DMD: variants seen among roughly 807,000 people sequenced by gnomAD.
DMD encodes dystrophin, also known as mutant dystrophin.
Under a neutral mutation model 330.1 loss-of-function variants are expected in DMD, and 63 were observed. The observed-to-expected ratio is 0.19, with a 90% CI of 0.16 to 0.24. The LOEUF (loss-of-function observed/expected upper bound fraction) is 0.24, where lower values mean the gene tolerates loss of function less well. Among genes scored for constraint, DMD ranks in the 10% least tolerant of loss-of-function variants. DMD has a pLI of 1.00. For missense variants in DMD, 3,344 were observed against 2,684.1 expected (o/e 1.25, Z -5.43); for synonymous variants, 1,223 against 959.8 (o/e 1.27, Z -5.07).
chrX:32,610,737 C>G (rs1304140662), intron 12 of DMD, among the ~76,000 whole-genome samples: 1 of 110,987 alleles, frequency 9.0e-6, no homozygotes, highest in African/African-American at 3.3e-5. Flanking sequence ...TCTATCTACA[C>G]AAAGCTAAAA....
rs1214712208 is a variant in DMD at position 32,472,322 on chromosome X, G to A, written c.2804-13C>T. On this transcript the variant is annotated splice_polypyrimidine_tract_variant and intron_variant, in intron 21 of 78. Transcript: ENST00000357033. ...AAAGTGTCAAAAACTTTATCAAAAG[G>A]GAAAAAAGAATGAGAATCACTTAAT... is the stretch of plus-strand genomic sequence containing the variant. 2 of 1,206,396 alleles carry A rather than the reference G, an allele frequency of 1.7e-6. No individual in the cohort carries two copies. The highest frequency in any genetic ancestry group is 1.1e-6 in the Non-Finnish European group (1 of 892,402).
intron 55 of DMD, among the ~76,000 whole-genome samples, chrX:31,548,258 G>A (rs189149580): frequency 8.9e-6 from 1 of 111,732 alleles, no homozygotes; most frequent in Non-Finnish European, 1.9e-5. Context: ...ATGCAGAATC[G>A]CAGGCCTTGC....
chrX:32,823,166 T>G, intron 5 of DMD, 129 bp downstream of exon 5: 2 of 537,701 alleles, frequency 3.7e-6, no homozygotes, highest in Non-Finnish European at 3.2e-6. Context: ...TAGTGTCAAT[T>G]TAAAAAGCAG....
intron 4 of DMD, among the ~76,000 whole-genome samples, chrX:32,825,760 C>T (rs2078642430): frequency 9.0e-6 from 1 of 111,277 alleles, no homozygotes; most frequent in East Asian, 2.8e-4. Context: ...GTGAAATAAG[C>T]AAGACATAAA....
intron 1 of DMD, among the ~76,000 whole-genome samples, chrX:33,281,841 A>G (rs1157927084): frequency 9.4e-6 from 1 of 106,868 alleles, no homozygotes. Flanking sequence ...TGATGCTGGT[A>G]CTCTCAAAAA....
intron 52 of DMD, among the ~76,000 whole-genome samples, chrX:31,726,429 C>T (rs1344183454): frequency 2.7e-5 from 3 of 112,222 alleles, no homozygotes; most frequent in Non-Finnish European, 5.6e-5. Flanking sequence ...CATATATTAA[C>T]TATTTTTTCT....
chrX:33,208,656 A>C (rs1385231117), intron 1 of DMD, among the ~76,000 whole-genome samples: 1 of 110,973 alleles, frequency 9.0e-6, no homozygotes, highest in East Asian at 2.8e-4. Flanking sequence ...CCTCTTAGGA[A>C]ACTTTATACC....
intron 44 of DMD, among the ~76,000 whole-genome samples, chrX:32,184,161 A>G: frequency 1.4e-5 from 1 of 71,890 alleles, no homozygotes; most frequent in African/African-American, 4.9e-5. Flanking sequence ...TGTATACACA[A>G]TGAGTGTTTT....
intron 30 of DMD, among the ~76,000 whole-genome samples, chrX:32,394,565 A>C (rs1473802625): frequency 8.9e-6 from 1 of 111,983 alleles, no homozygotes; most frequent in Non-Finnish European, 1.9e-5. Flanking sequence ...TTGCACAAAT[A>C]TTTAGTTATA....
intron 2 of DMD, among the ~76,000 whole-genome samples, chrX:32,862,965 CTGACCTCG>C (rs1478567267): frequency 9.0e-6 from 1 of 110,585 alleles, no homozygotes; most frequent in Non-Finnish European, 1.9e-5. Flanking sequence ...TCTCGACCTC[CTGACCTCG>C]TGATCCACCT....
At chrX:32,258,288 A>T (rs2097307586) in intron 43 of DMD, among the ~76,000 whole-genome samples, 1 of 111,829 alleles carries the variant, frequency 8.9e-6, no homozygotes, top group Non-Finnish European at 1.9e-5. Flanking sequence ...CAGAAATACC[A>T]TTTGACCCAG....
chrX:31,845,459 G>A (rs192353811), intron 48 of DMD, among the ~76,000 whole-genome samples: 1 of 86,185 alleles, frequency 1.2e-5, no homozygotes, highest in East Asian at 3.8e-4. Flanking sequence ...CTCTCAAGTT[G>A]ATTGTATATA....
intron 64 of DMD, among the ~76,000 whole-genome samples, chrX:31,218,695 GTC>G (rs1242987531): frequency 1.8e-5 from 2 of 111,830 alleles, no homozygotes; most frequent in Admixed American, 9.5e-5. Context: ...AAAAGGCCTA[GTC>G]TCTCTTTCCA....
chrX:32,201,805 G>A (rs2097040474), intron 44 of DMD, among the ~76,000 whole-genome samples: 2 of 110,588 alleles, frequency 1.8e-5, no homozygotes, highest in Admixed American at 9.7e-5. Context: ...AAAGTCATTC[G>A]CTTATCTGTT....
chrX:33,326,182 AC>A (rs1293514951), intron 1 of DMD, among the ~76,000 whole-genome samples: 1 of 110,517 alleles, frequency 9.0e-6, no homozygotes, highest in African/African-American at 3.3e-5. Flanking sequence ...CAAATGTCTT[AC>A]TGGCTGTGTA....
At chrX:32,152,802 A>G (rs1305372257) in intron 44 of DMD, among the ~76,000 whole-genome samples, 2 of 111,994 alleles carry the variant, frequency 1.8e-5, no homozygotes, top group Admixed American at 9.5e-5. Context: ...CCTATTTCCA[A>G]TGACTCTGGC....
intron 74 of DMD, among the ~76,000 whole-genome samples, chrX:31,151,081 G>GT (rs1293671129): frequency 1.8e-5 from 2 of 111,811 alleles, no homozygotes; most frequent in East Asian, 5.6e-4. Context: ...ATTCATCGAA[G>GT]TAAGTACACC....
intron 64 of DMD, among the ~76,000 whole-genome samples, chrX:31,213,088 C>A (rs923338695): frequency 8.9e-6 from 1 of 112,696 alleles, no homozygotes; most frequent in African/African-American, 3.2e-5. Flanking sequence ...GCATGCCACT[C>A]TACAGGCAAC....
chrX:31,686,731 C>A (rs955867144), intron 52 of DMD, among the ~76,000 whole-genome samples: 1 of 111,873 alleles, frequency 8.9e-6, no homozygotes, highest in Non-Finnish European at 1.9e-5. Flanking sequence ...TTGCCTGTGT[C>A]TATCTTCTTA....
Sources: gnomAD v4.1 joint callset for allele counts (sites outside exome capture counted in the v4.1 genomes callset) on GRCh38, gnomAD v4.1.1 for gene constraint, MANE v1.5 for transcripts, NCBI Gene and HGNC (gene_info 2026-07-23, HGNC 2026-07-21) for gene names.